The following CHP1 variants were observed in gnomAD, a reference collection of about 807,000 sequenced individuals.
CHP1 encodes the protein calcineurin like EF-hand protein 1.
In CHP1, 11 loss-of-function variants were observed where a neutral mutation model predicts 27.4. The ratio of observed to expected loss-of-function variants is 0.40; its 90% CI spans 0.25 to 0.67. CHP1 has a LOEUF of 0.67. Among genes scored for constraint, CHP1 ranks in the 30% least tolerant of loss-of-function variants. The pLI, the probability that CHP1 is intolerant of heterozygous loss-of-function variation, is 0.38. For missense variants in CHP1, 169 were observed against 251.3 expected, an observed-to-expected ratio of 0.67 and a Z score of 2.22; for synonymous variants, 89 against 87.4, an observed-to-expected ratio of 1.02 and a Z score of -0.10.
At chr15:41,255,927 G>A (rs2047398213) in intron 2 of CHP1, among the ~76,000 whole-genome samples, 1 of 152,166 alleles carries the variant, frequency 6.6e-6, no homozygotes, top group African/African-American at 2.4e-5. Flanking sequence ...TGAGGCAGGA[G>A]AATCGCTTGA....
chr15:41,273,957 A>C (rs1352787645), intron 5 of CHP1, among the ~76,000 whole-genome samples: 1 of 150,602 alleles, frequency 6.6e-6, no homozygotes, highest in Non-Finnish European at 1.5e-5. Context: ...TCACTAATAA[A>C]CTTCTTTTTT....
chr15:41,273,752 A>AAT (rs1196778456), intron 5 of CHP1, among the ~76,000 whole-genome samples: 1 of 151,528 alleles, frequency 6.6e-6, no homozygotes, highest in East Asian at 2.0e-4. Flanking sequence ...ATCGATAAAG[A>AAT]ATATATATAT....
chr15:41,250,967 T>C (rs1468934775), intron 2 of CHP1, among the ~76,000 whole-genome samples: 2 of 151,996 alleles, frequency 1.3e-5, no homozygotes, highest in African/African-American at 4.8e-5. Flanking sequence ...CCAGAGTAGC[T>C]GCAATTATAG....
At position 41,278,190 on chromosome 15, in the gene CHP1, G is replaced by A. The variant is rs181928310; in HGVS notation, c.412-577G>A. Among the ~76,000 whole-genome samples the A allele has an allele frequency of 4.3e-3, 646 of 151,808 alleles. 3 individuals carry two copies. Among genetic ancestry groups the A allele is most frequent in the South Asian group, 6.9e-3 (33 of 4,812 alleles). ...AAAAATACAAAAAATTAGCCTAGCC[G>A]GGCACGGTGGCAGGCGCCTGTAATC... On this transcript the variant is annotated intron_variant, in intron 5 of 6. Transcript: ENST00000334660.
intron 3 of CHP1, among the ~76,000 whole-genome samples, chr15:41,261,104 CTTCCTTCCTTTTCCTTTCCTT>C (rs1437791982): frequency 2.6e-5 from 4 of 151,058 alleles, no homozygotes; most frequent in African/African-American, 2.4e-5. Context: ...TCCTCCCTCC[CTTCCTTCCTTTTCCTTTCCTT>C]TTCCTTCCTT....
intron 2 of CHP1, among the ~76,000 whole-genome samples, chr15:41,252,927 GTTTTTTTTTTTTTT>G (rs144891496): frequency 4.6e-5 from 3 of 65,724 alleles, no homozygotes; most frequent in East Asian, 5.8e-4. Context: ...ATTTCACATG[GTTTTTTTTTTTTTT>G]TTTTTTTTTT....
chr15:41,247,293 C>T (rs1339907789), intron 2 of CHP1, among the ~76,000 whole-genome samples: 1 of 151,466 alleles, frequency 6.6e-6, no homozygotes, highest in Non-Finnish European at 1.5e-5. Flanking sequence ...TGCTTGAACC[C>T]GGGAGGCGGA....
chr15:41,263,147 G>A (rs2140937176), intron 4 of CHP1, among the ~76,000 whole-genome samples: 1 of 152,292 alleles, frequency 6.6e-6, no homozygotes, highest in East Asian at 1.9e-4. Context: ...ATTGTTGTGA[G>A]GATTAAATGA....
intron 1 of CHP1, among the ~76,000 whole-genome samples, chr15:41,236,366 A>G (rs532576891): frequency 2.4e-4 from 37 of 152,260 alleles, no homozygotes; most frequent in Admixed American, 1.8e-3. Flanking sequence ...GGCTCAAGCA[A>G]TCCTCCCAGC....
chr15:41,240,272 G>C (rs1452710939), intron 1 of CHP1, among the ~76,000 whole-genome samples: 4 of 152,028 alleles, frequency 2.6e-5, no homozygotes, highest in Non-Finnish European at 5.9e-5. Flanking sequence ...GGGATTATAG[G>C]CGCCAGCCAT....
rs71732753 is a variant in CHP1 at position 41,253,423 on chromosome 15, G to GTATTTATT, written c.141-3445_141-3438dup. Among the ~76,000 whole-genome samples, 257 of 145,262 alleles carry GTATTTATT rather than the reference G, an allele frequency of 1.8e-3. 1 individual carries two copies. The highest frequency in any genetic ancestry group is 3.4e-3 in the African/African-American group (131 of 38,998). ...TATTATTTATTTAACAGTTGACAAA[G>GTATTTATT]TATTTATTTATTTATTTATTTATTT... is the stretch of plus-strand genomic sequence containing the variant. On this transcript the variant is annotated intron_variant, in intron 2 of 6. Transcript: ENST00000334660.
intron 4 of CHP1, among the ~76,000 whole-genome samples, chr15:41,266,681 C>G (rs2047462578): frequency 6.6e-6 from 1 of 152,096 alleles, no homozygotes; most frequent in South Asian, 2.1e-4. Flanking sequence ...TGTACACATA[C>G]AATGAAATAT....
intron 5 of CHP1, among the ~76,000 whole-genome samples, chr15:41,276,755 C>T (rs775557480): frequency 3.5e-4 from 53 of 152,266 alleles, no homozygotes; most frequent in East Asian, 1.2e-3. Flanking sequence ...TCGAAGAGGA[C>T]GACATTTTGG....
Position 41,279,331 on chromosome 15 carries a change from C to T in CHP1, c.535-5C>T, listed in dbSNP as rs764521875. 11 of 1,612,844 alleles carry T rather than the reference C, an allele frequency of 6.8e-6. No individual in the cohort carries two copies. Among genetic ancestry groups the T allele is most frequent in the African/African-American group, 1.3e-5 (1 of 74,980 alleles). ...TTTGTAACTGTTACTGGTTTTCTCC[C>T]CCAGGTTTTGGAGAAGGTGGATGTA... On this transcript the variant is annotated splice_polypyrimidine_tract_variant and splice_region_variant and intron_variant, in intron 6 of 6. Coordinates refer to ENST00000334660, the MANE Select transcript of CHP1 (RefSeq NM_007236.5).
intron 2 of CHP1, among the ~76,000 whole-genome samples, chr15:41,253,552 T>A (rs936723553): frequency 6.6e-6 from 1 of 151,690 alleles, no homozygotes; most frequent in African/African-American, 2.4e-5. Context: ...CCTCCCAGGT[T>A]CATGCCATTC....
At chr15:41,241,317 G>A (rs2047305953) in intron 1 of CHP1, among the ~76,000 whole-genome samples, 1 of 152,238 alleles carries the variant, frequency 6.6e-6, no homozygotes, top group Non-Finnish European at 1.5e-5. Flanking sequence ...AGTAATTAGT[G>A]CAGCAGTAAT....
rs537538635 is a variant in CHP1, at chr15:41,232,648, T to G, written c.67+1199T>G. 3.2e-4 allele frequency among the ~76,000 whole-genome samples: 49 copies of G among 152,334 alleles called. 2 individuals carry two copies. The South Asian group carries it at 8.5e-3, about 26-fold the overall frequency. On this transcript the variant is annotated intron_variant, in intron 1 of 6. Transcript: ENST00000334660. ...CTTGATAATGCAATGTATGATACAA[T>G]TGTATTGATGCATACAATATTTTAT...
intron 3 of CHP1, among the ~76,000 whole-genome samples, chr15:41,259,525 C>CTTTTT (rs535457262): frequency 8.6e-6 from 1 of 116,038 alleles, no homozygotes; most frequent in Admixed American, 8.9e-5. Context: ...CACATTGGGG[C>CTTTTT]TTTTTTTTTT....
chr15:41,247,350 C>T (rs1374831238), intron 2 of CHP1, among the ~76,000 whole-genome samples: 1 of 149,498 alleles, frequency 6.7e-6, no homozygotes, highest in Non-Finnish European at 1.5e-5. Context: ...CCCTGGGCAA[C>T]ACAGTGAGAT....
Sources: gnomAD v4.1 joint callset for allele counts (sites outside exome capture counted in the v4.1 genomes callset) on GRCh38, gnomAD v4.1.1 for gene constraint, MANE v1.5 for transcripts, NCBI Gene and HGNC (gene_info 2026-07-23, HGNC 2026-07-21) for gene names.